The following LPP variants were observed in gnomAD, a reference collection of about 807,000 sequenced individuals.
The protein encoded by LPP is lipoma-preferred partner.
A neutral mutation model predicts 60.4 loss-of-function variants in LPP; 38 were observed. The observed-to-expected ratio is 0.63, with a 90% CI of 0.49 to 0.83. LPP has a LOEUF of 0.83. Ranked by LOEUF, LPP falls within the 40% of genes least tolerant of loss-of-function variation. The probability of loss-of-function intolerance (pLI) is 0.00; values close to 1 mark genes in which losing one functional copy is unlikely to be tolerated. For synonymous variants in LPP, 328 were observed against 290.8 expected, an observed-to-expected ratio of 1.13 and a Z score of -1.30; for missense variants, 902 against 783.6, an observed-to-expected ratio of 1.15 and a Z score of -1.80.
At chr3:188,783,037 A>G (rs568536101) in intron 9 of LPP, among the ~76,000 whole-genome samples, 4 of 152,172 alleles carry the variant, frequency 2.6e-5, no homozygotes, top group East Asian at 3.9e-4. Context: ...TCAGTTGCCA[A>G]TTGGTCTCCA....
At chr3:188,855,806 C>T (rs1441066757) in intron 9 of LPP, among the ~76,000 whole-genome samples, 8 of 152,220 alleles carry the variant, frequency 5.3e-5, no homozygotes, top group Non-Finnish European at 1.2e-4. Context: ...GGAATTTAGG[C>T]CCAGGGAGGA....
chr3:188,395,247 C>G (rs1780638588), intron 3 of LPP, among the ~76,000 whole-genome samples: 1 of 152,104 alleles, frequency 6.6e-6, no homozygotes, highest in East Asian at 1.9e-4. Flanking sequence ...GAGACAGGGT[C>G]TCATTCTATT....
chr3:188,691,631 C>T (rs538800243), intron 7 of LPP, among the ~76,000 whole-genome samples: 9 of 152,248 alleles, frequency 5.9e-5, no homozygotes, highest in South Asian at 4.1e-4. Flanking sequence ...AAGATGATTG[C>T]GCCCACTTGA....
chr3:188,431,510 T>C (rs1790890003), intron 4 of LPP, among the ~76,000 whole-genome samples: 1 of 152,158 alleles, frequency 6.6e-6, no homozygotes, highest in South Asian at 2.1e-4. Context: ...GAATATAATC[T>C]CAGAATTATG....
At chr3:188,466,026 G>A (rs1198426333) in intron 4 of LPP, among the ~76,000 whole-genome samples, 2 of 152,158 alleles carry the variant, frequency 1.3e-5, no homozygotes, top group Admixed American at 6.6e-5. Flanking sequence ...ATTCCTGGCA[G>A]GGCAGGAAGA....
intron 2 of LPP, among the ~76,000 whole-genome samples, chr3:188,254,957 C>A (rs190520431): frequency 6.6e-6 from 1 of 152,178 alleles, no homozygotes; most frequent in African/African-American, 2.4e-5. Context: ...CAGATAAATT[C>A]TACACCCTGA....
chr3:188,876,715 C>T lies in LPP; in HGVS notation c.*2236C>T, dbSNP rs752009011. The stretch of plus-strand genomic sequence containing the variant: ...ATTTATTGAGGGATAGATTGTATCT[C>T]TTAAAGTGGTCATATTATTATTAAT... On this transcript the variant is annotated 3_prime_UTR_variant, in exon 12 of 12. Coordinates refer to ENST00000617246, the MANE Select transcript of LPP (RefSeq NM_001375462.1). The T allele has an allele frequency of 1.6e-5, 3 of 189,080 alleles. No homozygotes were observed. The highest frequency in any genetic ancestry group is 3.3e-5 in the Non-Finnish European group (3 of 90,072). 11.7% of individuals were successfully genotyped at this position (189,080 alleles called of 1,614,324 possible). A position where few individuals can be genotyped will look rare whatever the true frequency, so the allele number is the denominator to read the frequency against.
intron 2 of LPP, among the ~76,000 whole-genome samples, chr3:188,339,023 C>T (rs770952371): frequency 1.3e-5 from 2 of 152,106 alleles, no homozygotes; most frequent in Non-Finnish European, 2.9e-5. Flanking sequence ...TATTATCTTA[C>T]CTTCATTTAC....
chr3:188,379,948 G>A (rs960844169), intron 3 of LPP, among the ~76,000 whole-genome samples: 1 of 152,162 alleles, frequency 6.6e-6, no homozygotes, highest in East Asian at 1.9e-4. Flanking sequence ...AGAAATATAA[G>A]TTGGGAGCAG....
intron 6 of LPP, among the ~76,000 whole-genome samples, chr3:188,577,761 GTT>G (rs1835035405): frequency 8.8e-6 from 1 of 113,304 alleles, no homozygotes; most frequent in Non-Finnish European, 1.9e-5. Context: ...TCGTTCCTTC[GTT>G]CCTTCCTTCC....
chr3:188,458,848 C>T (rs1388229226), intron 4 of LPP, among the ~76,000 whole-genome samples: 2 of 150,638 alleles, frequency 1.3e-5, no homozygotes, highest in Non-Finnish European at 3.0e-5. Context: ...GGTTTTTTTT[C>T]GTGGCCGATT....
At chr3:188,525,992 TA>T (rs1389755084) in intron 6 of LPP, among the ~76,000 whole-genome samples, 4 of 152,222 alleles carry the variant, frequency 2.6e-5, no homozygotes, top group African/African-American at 9.6e-5. Context: ...CCTGCCTCTC[TA>T]AAGTCTTGAA....
chr3:188,771,583 G>A (rs1047541239), intron 9 of LPP, among the ~76,000 whole-genome samples: 1 of 149,940 alleles, frequency 6.7e-6, no homozygotes, highest in African/African-American at 2.5e-5. Flanking sequence ...AAGAAAGAAA[G>A]GGAGAAAGAA....
At chr3:188,647,342 G>A (rs576833791) in intron 7 of LPP, among the ~76,000 whole-genome samples, 10 of 152,154 alleles carry the variant, frequency 6.6e-5, no homozygotes, top group Admixed American at 4.6e-4. Context: ...GAAAGTGCCC[G>A]CTTAATTGGG....
intron 2 of LPP, among the ~76,000 whole-genome samples, chr3:188,276,357 G>T (rs1203487164): frequency 3.9e-5 from 6 of 152,222 alleles, no homozygotes; most frequent in Admixed American, 3.3e-4. Context: ...TTCTTAGCTA[G>T]TTCCTTGATT....
chr3:188,463,859 G>T (rs1201141193), intron 4 of LPP, among the ~76,000 whole-genome samples: 1 of 152,078 alleles, frequency 6.6e-6, no homozygotes, highest in Admixed American at 6.6e-5. Flanking sequence ...TTATGTACTT[G>T]GTCCTCATAA....
intron 2 of LPP, among the ~76,000 whole-genome samples, chr3:188,293,803 G>C (rs895153790): frequency 1.3e-5 from 2 of 152,100 alleles, no homozygotes; most frequent in Non-Finnish European, 2.9e-5. Context: ...CATGGCTCAT[G>C]CTTGTAATCT....
intron 8 of LPP, among the ~76,000 whole-genome samples, chr3:188,738,220 T>G (rs1301027482): frequency 6.6e-6 from 1 of 152,104 alleles, no homozygotes; most frequent in East Asian, 1.9e-4. Flanking sequence ...ATGATGATGA[T>G]CGGTCACGTT....
chr3:188,761,299 T>C (rs1732257015), intron 9 of LPP, among the ~76,000 whole-genome samples: 1 of 152,222 alleles, frequency 6.6e-6, no homozygotes, highest in African/African-American at 2.4e-5. Context: ...TATTTTCCTA[T>C]AACTTGGCAG....
Sources: allele counts gnomAD v4.1 joint callset (sites outside exome capture counted in the v4.1 genomes callset), GRCh38; gene constraint gnomAD v4.1.1; transcripts MANE v1.5; gene names NCBI Gene and HGNC (gene_info 2026-07-23, HGNC 2026-07-21).